EPHA3: variants seen among roughly 807,000 people sequenced by gnomAD.
The protein encoded by EPHA3 is ephrin type-A receptor 3.
In EPHA3, 42 loss-of-function variants were observed where a neutral mutation model predicts 107.1. That is an observed-to-expected ratio of 0.39 (90% confidence interval 0.31 to 0.51). EPHA3 has a LOEUF of 0.51. Ranked by LOEUF, EPHA3 falls within the 20% of genes least tolerant of loss-of-function variation. The pLI is 0.78. For missense variants in EPHA3, 1,183 were observed against 1,211.2 expected, an observed-to-expected ratio of 0.98 and a Z score of 0.35; for synonymous variants, 461 against 424.8, an observed-to-expected ratio of 1.09 and a Z score of -1.05.
chr3:89,412,055 G>A (rs772911254), intron 9 of EPHA3, among the ~76,000 whole-genome samples: 4 of 151,794 alleles, frequency 2.6e-5, no homozygotes, highest in Admixed American at 6.6e-5. Flanking sequence ...AGTAGTCTTA[G>A]CAGATATACC....
intron 15 of EPHA3, among the ~76,000 whole-genome samples, chr3:89,452,500 A>G (rs1338403052): frequency 1.3e-5 from 2 of 152,176 alleles, no homozygotes; most frequent in Non-Finnish European, 2.9e-5. Flanking sequence ...TCTTCCTCAG[A>G]AAAAAATGTC....
intron 3 of EPHA3, among the ~76,000 whole-genome samples, chr3:89,249,135 C>T (rs1705104230): frequency 6.6e-6 from 1 of 152,114 alleles, no homozygotes; most frequent in Non-Finnish European, 1.5e-5. Context: ...AATTGTGTTG[C>T]TTCTTCATTT....
At chr3:89,369,387 C>T (rs1422658900) in intron 5 of EPHA3, among the ~76,000 whole-genome samples, 1 of 150,624 alleles carries the variant, frequency 6.6e-6, no homozygotes. Flanking sequence ...CTGAGAAAAA[C>T]AAGCAATGGG....
At chr3:89,387,618 C>A (rs1708647002) in intron 5 of EPHA3, among the ~76,000 whole-genome samples, 1 of 152,030 alleles carries the variant, frequency 6.6e-6, no homozygotes, top group Admixed American at 6.6e-5. Context: ...ATTTTCAGAA[C>A]CATATCACAT....
intron 3 of EPHA3, among the ~76,000 whole-genome samples, chr3:89,339,800 T>C (rs1404882752): frequency 6.6e-6 from 1 of 152,212 alleles, no homozygotes. Flanking sequence ...ATTCTGTATA[T>C]AAGTTCTGTA....
At chr3:89,368,465 A>C (rs74498514) in intron 5 of EPHA3, among the ~76,000 whole-genome samples, 2,325 of 150,550 alleles carry the variant, frequency 0.015, 60 homozygotes, top group African/African-American at 0.053. Flanking sequence ...AGCTAGAGAA[A>C]TAGAAAAGAC....
chr3:89,393,931 TGTG>T (rs1179048468), intron 5 of EPHA3, among the ~76,000 whole-genome samples: 3 of 151,844 alleles, frequency 2.0e-5, no homozygotes, highest in African/African-American at 7.3e-5. Flanking sequence ...ATTGCAGGGT[TGTG>T]GGGGTGAAGC....
At chr3:89,347,937 G>A (rs1476663412) in intron 5 of EPHA3, among the ~76,000 whole-genome samples, 4 of 151,128 alleles carry the variant, frequency 2.6e-5, no homozygotes, top group South Asian at 2.1e-4. Context: ...GTGTATATTG[G>A]ACCAGCCTTG....
At chr3:89,455,837 C>CATCA (rs1244154451) in intron 15 of EPHA3, among the ~76,000 whole-genome samples, 1 of 152,156 alleles carries the variant, frequency 6.6e-6, no homozygotes, top group Non-Finnish European at 1.5e-5. Flanking sequence ...TAAAGTTTAA[C>CATCA]ATCATTATTC....
intron 13 of EPHA3, among the ~76,000 whole-genome samples, chr3:89,443,612 C>T (rs1033561814): frequency 1.4e-4 from 22 of 152,112 alleles, no homozygotes; most frequent in African/African-American, 5.1e-4. Flanking sequence ...AATCTACTTT[C>T]CCAGGTCCAC....
At position 89,451,173 on chromosome 3, in the gene EPHA3, C is replaced by T. The variant is rs377062009; in HGVS notation, c.2690+803C>T. On this transcript the variant is annotated intron_variant, in intron 15 of 16. Coordinates refer to ENST00000336596, the MANE Select transcript of EPHA3 (RefSeq NM_005233.6). ...CAACAACACAAATGTTAATACTCTGCAGCTGTAATGCAATCCTGGATGCAC... is the reference window on the plus strand; with the variant it reads ...CAACAACACAAATGTTAATACTCTGTAGCTGTAATGCAATCCTGGATGCAC... 1.9e-4 allele frequency among the ~76,000 whole-genome samples: 29 copies of T among 152,234 alleles called. 1 individual carries two copies. In the South Asian group the frequency reaches 5.8e-3, roughly 30 times the overall value.
At chr3:89,170,722 C>T (rs1398300417) in intron 2 of EPHA3, among the ~76,000 whole-genome samples, 4 of 151,954 alleles carry the variant, frequency 2.6e-5, no homozygotes, top group Non-Finnish European at 5.9e-5. Flanking sequence ...TATGTCATTG[C>T]AGAAGAGAAA....
At chr3:89,176,162 T>C (rs944486981) in intron 2 of EPHA3, among the ~76,000 whole-genome samples, 18 of 152,112 alleles carry the variant, frequency 1.2e-4, no homozygotes, top group African/African-American at 4.1e-4. Context: ...ATTATAGGTG[T>C]TGAAGTTCAA....
chr3:89,319,527 A>T lies in EPHA3; in HGVS notation c.815-21389A>T, dbSNP rs1366170217. On this transcript the variant is annotated intron_variant, in intron 3 of 16. Transcript: ENST00000336596. ...AATAGAAGCATGCACAGATGTTAATATTACAAACAGGAGAGCTGCGTAGTC... is the reference window on the plus strand; with the variant it reads ...AATAGAAGCATGCACAGATGTTAATTTTACAAACAGGAGAGCTGCGTAGTC... Among the ~76,000 whole-genome samples the T allele has an allele frequency of 2.0e-5, 3 of 151,974 alleles. No homozygotes were observed. In the East Asian group the frequency reaches 5.8e-4, roughly 29 times the overall value.
At chr3:89,443,743 G>A (rs1709827732) in intron 13 of EPHA3, among the ~76,000 whole-genome samples, 1 of 152,054 alleles carries the variant, frequency 6.6e-6, no homozygotes, top group Non-Finnish European at 1.5e-5. Flanking sequence ...AGTGGTGAAG[G>A]GGGCCAGGTG....
intron 2 of EPHA3, among the ~76,000 whole-genome samples, chr3:89,198,859 T>C (rs1223056321): frequency 6.6e-6 from 1 of 152,190 alleles, no homozygotes; most frequent in Non-Finnish European, 1.5e-5. Flanking sequence ...ATGCATTAAT[T>C]TCTAAGTAGT....
intron 11 of EPHA3, among the ~76,000 whole-genome samples, chr3:89,423,341 C>T (rs551181360): frequency 1.3e-5 from 2 of 151,274 alleles, no homozygotes; most frequent in East Asian, 3.9e-4. Flanking sequence ...TGCCTGTTTC[C>T]CTGCATGTAC....
intron 3 of EPHA3, among the ~76,000 whole-genome samples, chr3:89,218,035 T>C (rs761142509): frequency 6.6e-6 from 1 of 152,204 alleles, no homozygotes; most frequent in Non-Finnish European, 1.5e-5. Flanking sequence ...TCAATCCATC[T>C]ATCATCATGC....
chr3:89,221,199 T>C (rs1193396010), intron 3 of EPHA3, among the ~76,000 whole-genome samples: 1 of 152,242 alleles, frequency 6.6e-6, no homozygotes, highest in African/African-American at 2.4e-5. Context: ...GTATGTTTAC[T>C]GTAAGGATGC....
Sources: gnomAD v4.1 joint callset for allele counts (sites outside exome capture counted in the v4.1 genomes callset) on GRCh38, gnomAD v4.1.1 for gene constraint, MANE v1.5 for transcripts, NCBI Gene and HGNC (gene_info 2026-07-23, HGNC 2026-07-21) for gene names.